TDRD5: variants seen among roughly 807,000 people sequenced by gnomAD.
The protein encoded by TDRD5 is tudor domain containing 5.
TDRD5 carries 41 observed loss-of-function variants against 120.6 expected under a neutral mutation model. The ratio of observed to expected loss-of-function variants is 0.34; its 90% CI spans 0.26 to 0.44. TDRD5 has a LOEUF of 0.44. Ranked by LOEUF, TDRD5 falls within the 20% of genes least tolerant of loss-of-function variation. The pLI is 1.00. For missense variants in TDRD5, 1,006 were observed against 1,221.2 expected (o/e 0.82, Z 2.63); for synonymous variants, 430 against 433.7 (o/e 0.99, Z 0.11).
At chr1:179,637,016 TAAA>T (rs1317984443) in intron 9 of TDRD5, among the ~76,000 whole-genome samples, 1 of 152,244 alleles carries the variant, frequency 6.6e-6, no homozygotes. Flanking sequence ...TTTTCTCTAC[TAAA>T]AATTGTCCTT....
chr1:179,689,586 C>T (rs1045117339), intron 17 of TDRD5, among the ~76,000 whole-genome samples: 1 of 152,176 alleles, frequency 6.6e-6, no homozygotes, highest in Admixed American at 6.5e-5. Flanking sequence ...AAGCTGTCAG[C>T]CAGGGACGTT....
intron 13 of TDRD5, 56 bp from the exon 14 acceptor site, chr1:179,654,145 A>C (rs1678866722): frequency 1.4e-6 from 2 of 1,408,786 alleles, no homozygotes; most frequent in African/African-American, 2.9e-5. Flanking sequence ...AGGCATGTAG[A>C]TTTTGGAAAC....
chr1:179,620,908 T>G lies in TDRD5; in HGVS notation c.916-127T>G, dbSNP rs1042124794. ...AAACTCATTTTCAAAAAAAAACAAT[T>G]TAATATGACTAAAATTCATTTAATA... On this transcript the variant is annotated intron_variant, in intron 5 of 17. Transcript: ENST00000444136. The G allele has an allele frequency of 3.6e-5, 26 of 719,654 alleles. No homozygotes were observed. The African/African-American group carries it at 4.7e-4, about 13-fold the overall frequency. The allele number at this position is 719,654 out of a possible 1,614,324, so 44.6% of individuals were successfully genotyped here. A position where few individuals can be genotyped will look rare whatever the true frequency, so the allele number is the denominator to read the frequency against.
chr1:179,652,587 G>A (rs368272263), intron 13 of TDRD5, among the ~76,000 whole-genome samples: 1 of 152,226 alleles, frequency 6.6e-6, no homozygotes, highest in East Asian at 1.9e-4. Context: ...CCAGCCCACA[G>A]TAATAAGAAC....
Position 179,654,370 on chromosome 1 carries a change from A to C in TDRD5, c.2322+8A>C. 2.6e-6 allele frequency: 4 copies of C among 1,524,476 alleles called. No homozygotes were observed. Among genetic ancestry groups the C allele is most frequent in the Non-Finnish European group, 3.5e-6 (4 of 1,134,122 alleles). The allele number at this position is 1,524,476 out of a possible 1,614,324, so 94.4% of individuals were successfully genotyped here. A position where few individuals can be genotyped will look rare whatever the true frequency, so the allele number is the denominator to read the frequency against. Reference sequence around the variant, plus strand: ...CTGAAGGAAGAAAATGAGGTAGGAGAAGGAAAGATAGTCTTTGAATATGTA... The same window carrying C: ...CTGAAGGAAGAAAATGAGGTAGGAGCAGGAAAGATAGTCTTTGAATATGTA... On this transcript the variant is annotated splice_region_variant and intron_variant, in intron 14 of 17. Coordinates refer to ENST00000444136, the MANE Select transcript of TDRD5 (RefSeq NM_001199085.3).
chr1:179,597,512 A>G (rs1195531983), intron 4 of TDRD5, among the ~76,000 whole-genome samples: 2 of 151,342 alleles, frequency 1.3e-5, no homozygotes, highest in South Asian at 2.1e-4. Flanking sequence ...TTGTATTTTT[A>G]TTAGAGACAG....
intron 17 of TDRD5, among the ~76,000 whole-genome samples, chr1:179,678,038 T>C (rs1427669138): frequency 1.3e-5 from 2 of 151,582 alleles, no homozygotes; most frequent in African/African-American, 4.9e-5. Context: ...CAGGGACAGG[T>C]GTGTCTGAGC....
chr1:179,649,394 A>G (rs1235972757), intron 11 of TDRD5, among the ~76,000 whole-genome samples: 1 of 151,102 alleles, frequency 6.6e-6, no homozygotes, highest in Non-Finnish European at 1.5e-5. Context: ...TTTTTCTTCC[A>G]TTTCTCTTAA....
intron 10 of TDRD5, 43 bp from the exon 11 acceptor site, chr1:179,640,336 A>G (rs1393046185): frequency 8.7e-6 from 14 of 1,605,348 alleles, no homozygotes; most frequent in South Asian, 2.2e-5. Flanking sequence ...GCATTTATAT[A>G]TAGCAGGAAG....
At chr1:179,655,281 C>T (rs768217784) in intron 14 of TDRD5, among the ~76,000 whole-genome samples, 1 of 152,146 alleles carries the variant, frequency 6.6e-6, no homozygotes, top group African/African-American at 2.4e-5. Context: ...TGTCCCTTCC[C>T]CCTACCATGT....
intron 6 of TDRD5, among the ~76,000 whole-genome samples, chr1:179,624,834 A>G (rs546277492): frequency 6.6e-6 from 1 of 152,304 alleles, no homozygotes; most frequent in East Asian, 1.9e-4. Flanking sequence ...TGGATTCAAT[A>G]TAGTCCCCAT....
At chr1:179,599,193 G>C (rs888209670) in intron 4 of TDRD5, among the ~76,000 whole-genome samples, 3 of 151,964 alleles carry the variant, frequency 2.0e-5, no homozygotes, top group Non-Finnish European at 4.4e-5. Context: ...GATGAATCCT[G>C]CTTGGTCATC....
intron 11 of TDRD5, among the ~76,000 whole-genome samples, chr1:179,645,655 T>G (rs1678318557): frequency 6.6e-6 from 1 of 152,238 alleles, no homozygotes; most frequent in African/African-American, 2.4e-5. Context: ...ATTGCTTTTC[T>G]GTAATTATTG....
chr1:179,600,084 A>G (rs918335550), intron 4 of TDRD5, among the ~76,000 whole-genome samples: 1 of 152,172 alleles, frequency 6.6e-6, no homozygotes, highest in Non-Finnish European at 1.5e-5. Flanking sequence ...GAAGGAAGGC[A>G]TTGTTATCAT....
At chr1:179,690,583 T>TA (rs1363435806) in intron 17 of TDRD5, 113 bp from the exon 18 acceptor site, 5 of 1,435,932 alleles carry the variant, frequency 3.5e-6, no homozygotes, top group Non-Finnish European at 3.7e-6. Context: ...TAATTGTCGC[T>TA]ACCTAACAGA....
intron 17 of TDRD5, among the ~76,000 whole-genome samples, chr1:179,686,042 C>T (rs1334192224): frequency 6.6e-6 from 1 of 152,172 alleles, no homozygotes; most frequent in Non-Finnish European, 1.5e-5. Flanking sequence ...CTTTCTTTCT[C>T]CTGCCTGATT....
At chr1:179,690,098 C>G (rs1681050465) in intron 17 of TDRD5, among the ~76,000 whole-genome samples, 1 of 152,170 alleles carries the variant, frequency 6.6e-6, no homozygotes, top group Admixed American at 6.5e-5. Context: ...TGAGATGAAC[C>G]CAGCACCTCA....
At chr1:179,669,509 C>T in intron 17 of TDRD5, 105 bp downstream of exon 17, 1 of 1,228,078 alleles carries the variant, frequency 8.1e-7, no homozygotes, top group East Asian at 2.4e-5. Flanking sequence ...TACCTTGAAA[C>T]ATTACTGACG....
chr1:179,625,168 C>G (rs1217486093), intron 6 of TDRD5, among the ~76,000 whole-genome samples: 1 of 148,714 alleles, frequency 6.7e-6, no homozygotes, highest in Non-Finnish European at 1.5e-5. Context: ...CAACCCGACA[C>G]CATGTACAAA....
Sources: gnomAD v4.1 joint callset for allele counts (sites outside exome capture counted in the v4.1 genomes callset) on GRCh38, gnomAD v4.1.1 for gene constraint, MANE v1.5 for transcripts, NCBI Gene and HGNC (gene_info 2026-07-23, HGNC 2026-07-21) for gene names.